HADHA: variants seen among roughly 807,000 people sequenced by gnomAD.
HADHA encodes hydroxyacyl-CoA dehydrogenase trifunctional multienzyme complex subunit alpha.
In HADHA, 59 loss-of-function variants were observed where a neutral mutation model predicts 91.3. That is an observed-to-expected ratio of 0.65 (90% confidence interval 0.52 to 0.80). HADHA has a LOEUF of 0.80. Ranked by LOEUF, HADHA falls within the 30% of genes least tolerant of loss-of-function variation. The probability of loss-of-function intolerance (pLI) is 0.00; values close to 1 mark genes in which losing one functional copy is unlikely to be tolerated. For synonymous variants in HADHA, 320 were observed against 338.9 expected (o/e 0.94, Z 0.61); for missense variants, 800 against 927.6 (o/e 0.86, Z 1.79).
intron 7 of HADHA, among the ~76,000 whole-genome samples, chr2:26,224,634 G>A (rs903814376): frequency 2.0e-5 from 3 of 152,204 alleles, no homozygotes; most frequent in Admixed American, 2.0e-4. Flanking sequence ...AAGGATTAGT[G>A]TATTTTTGGT....
At chr2:26,236,380 C>CTGTG (rs201544302) in intron 4 of HADHA, among the ~76,000 whole-genome samples, 1,386 of 110,926 alleles carry the variant, frequency 0.012, 26 homozygotes, top group African/African-American at 0.015. Flanking sequence ...TATATATACT[C>CTGTG]TGTGTGTGTG....
At chr2:26,198,053 G>C (rs1244745108) in intron 13 of HADHA, among the ~76,000 whole-genome samples, 1 of 152,134 alleles carries the variant, frequency 6.6e-6, no homozygotes, top group Non-Finnish European at 1.5e-5. Context: ...CTCAGCAGTT[G>C]GGTCAATAAA....
At chr2:26,207,726 G>A (rs1274478287) in intron 11 of HADHA, among the ~76,000 whole-genome samples, 1 of 152,270 alleles carries the variant, frequency 6.6e-6, no homozygotes, top group South Asian at 2.1e-4. Flanking sequence ...GTGATTTGAG[G>A]AATGCATAAC....
chr2:26,213,427 C>A (rs1049919147), intron 9 of HADHA, among the ~76,000 whole-genome samples: 6 of 152,184 alleles, frequency 3.9e-5, no homozygotes, highest in Non-Finnish European at 8.8e-5. Context: ...TTCATTATTA[C>A]CAACCTTCTA....
rs377095504 is a variant in HADHA at position 26,236,952 on chromosome 2, A to G, written c.217T>C (p.Ser73Pro). 3.1e-6 allele frequency: 5 copies of G among 1,605,764 alleles called. No homozygotes were observed. The African/African-American group carries it at 4.0e-5, about 13-fold the overall frequency. ...TLSKELHSEF[S>P]EVMNEIWASD... Reference sequence around the variant, plus strand: ...GCCCAGATTTCATTCATAACTTCTGAGAACTCTGAATGTAGCTCTTTACTC... The same window carrying G: ...GCCCAGATTTCATTCATAACTTCTGGGAACTCTGAATGTAGCTCTTTACTC... Residue 73 changes from serine to proline, a missense_variant, in exon 4 of 20, where the codon TCA becomes CCA. Ser to Pro is a moderately conservative substitution (Grantham distance 74, BLOSUM62 -1). Coordinates refer to ENST00000380649, the MANE Select transcript of HADHA (RefSeq NM_000182.5).
Position 26,209,862 on chromosome 2 carries a change from C to G in HADHA, c.1003G>C (p.Glu335Gln). ...TAGAGTCCCATCAAGGCCTTTGATTCTTTGGTCATTACAAGCTCTCCAAAT... is the reference window on the plus strand; with the variant it reads ...TAGAGTCCCATCAAGGCCTTTGATTGTTTGGTCATTACAAGCTCTCCAAAT... ...QKFGELVMTK[E>Q]SKALMGLYHG... The change falls in exon 11 of 20, where the codon GAA becomes CAA. Residue 335 changes from glutamate (E) to glutamine (Q), a missense_variant. Physicochemically the swap from Glu to Gln is conservative, Grantham distance 29 (BLOSUM62 2). Coordinates refer to ENST00000380649, the MANE Select transcript of HADHA (RefSeq NM_000182.5). The G allele has an allele frequency of 6.2e-7, 1 of 1,600,132 alleles. No homozygotes were observed. The highest frequency in any genetic ancestry group is 1.1e-5 in the South Asian group (1 of 90,814).
chr2:26,222,377 T>C (rs534351794), intron 7 of HADHA, among the ~76,000 whole-genome samples: 184 of 152,302 alleles, frequency 1.2e-3, no homozygotes, highest in African/African-American at 3.7e-3. Flanking sequence ...AGCAAACTAA[T>C]ATACAAGGAC....
intron 4 of HADHA, among the ~76,000 whole-genome samples, chr2:26,236,365 A>ATG (rs1670755263): frequency 7.9e-6 from 1 of 126,632 alleles, no homozygotes; most frequent in Non-Finnish European, 1.7e-5. Flanking sequence ...GTGTGTATAT[A>ATG]TATATATATA....
intron 18 of HADHA, 103 bp downstream of exon 18, chr2:26,192,207 G>T (rs901971867): frequency 2.9e-6 from 2 of 701,238 alleles, no homozygotes; most frequent in South Asian, 3.1e-5. Flanking sequence ...TGTATCCCAG[G>T]ACTTAAAGTA....
chr2:26,214,832 T>G lies in HADHA; in HGVS notation c.799+221A>C, dbSNP rs1052152658. Among the ~76,000 whole-genome samples, 1 of 152,196 alleles carries G rather than the reference T, an allele frequency of 6.6e-6. No homozygotes were observed. The highest frequency in any genetic ancestry group is 1.5e-5 in the Non-Finnish European group (1 of 68,034). ...CTTAACATTTTCTAAAATGAAAAGT[T>G]TTCTATGACTCAAGGGTCATCATAA... On this transcript the variant is annotated intron_variant, in intron 8 of 19. Transcript: ENST00000380649. This position sits in a 1 kb window ranked among gnomAD's most constrained non-coding sequence, Gnocchi z 4.1.
chr2:26,201,228 A>G lies in HADHA; in HGVS notation c.1313T>C (p.Phe438Ser). 3.1e-6 allele frequency: 5 copies of G among 1,613,504 alleles called. No homozygotes were observed. The highest frequency in any genetic ancestry group is 3.4e-6 in the Non-Finnish European group (4 of 1,179,392). Reference sequence around the variant, plus strand: ...TTCAATCACCATGTCGGCCTTTTCAAAACCTTGGTAATCAAGCTGCCCAGT... The same window carrying G: ...TTCAATCACCATGTCGGCCTTTTCAGAACCTTGGTAATCAAGCTGCCCAGT... ...NLTGQLDYQGFEKADMVIEAV... is the reference protein window; with the variant it reads ...NLTGQLDYQGSEKADMVIEAV... Residue 438 changes from phenylalanine to serine, a missense_variant, in exon 13 of 20, where the codon TTT (phenylalanine) becomes TCT (serine). Transcript: ENST00000380649.
chr2:26,236,791 A>T, intron 4 of HADHA, 64 bp downstream of exon 4: 1 of 1,254,246 alleles, frequency 8.0e-7, no homozygotes, highest in Non-Finnish European at 1.2e-6. Context: ...AGGAGAAATT[A>T]TTAGGCCTAA....
Position 26,191,331 on chromosome 2 carries a change from T to C in HADHA, c.2211A>G (p.Glu737=). ...GGGTGAACTGTTTTCCATAGGCAGC[T>C]TCATATTTCTTGAGCCGGTCCACTA... ...QKIVDRLKKY[E]AAYGKQFTPC... The change falls in exon 20 of 20, where the codon GAA becomes GAG. Residue 737 remains glutamate (E), a synonymous_variant. Transcript: ENST00000380649. The C allele has an allele frequency of 6.2e-7, 1 of 1,614,130 alleles. No individual in the cohort carries two copies. The highest frequency in any genetic ancestry group is 1.1e-5 in the South Asian group (1 of 91,082).
In HADHA at chr2:26,212,609, A is replaced by G; in HGVS notation, c.936T>C (p.Ile312=). 1 of 1,602,224 alleles carries G rather than the reference A, an allele frequency of 6.2e-7. No individual in the cohort carries two copies. Among genetic ancestry groups the G allele is most frequent in the Middle Eastern group, 1.7e-4 (1 of 6,048 alleles). Residue 312 remains isoleucine, a synonymous_variant, in exon 10 of 20, where the codon ATT becomes ATC. Transcript: ENST00000380649. ...GATAACCGGCATCACTCCCTTGCTC[A>G]ATTCCAGTCTTTACCACCTAAAAAA... ...LKIIDVVKTG[I]EQGSDAGYLC...
At chr2:26,202,032 C>T (rs938467710) in intron 12 of HADHA, among the ~76,000 whole-genome samples, 1 of 151,250 alleles carries the variant, frequency 6.6e-6, no homozygotes, top group Admixed American at 6.6e-5. Context: ...AACTCCTGAC[C>T]TCGTGTTCCA....
At position 26,192,705 on chromosome 2, in the gene HADHA, A is replaced by G. The variant is rs537454841; in HGVS notation, c.1886-281T>C. ...AGACGAGATTATGCCACTGCACTCC[A>G]GCCTGGGCAACAGTGTGAGACTCTG... On this transcript the variant is annotated intron_variant, in intron 17 of 19. Coordinates refer to ENST00000380649, the MANE Select transcript of HADHA (RefSeq NM_000182.5). Among the ~76,000 whole-genome samples, 9 of 152,230 alleles carry G rather than the reference A, an allele frequency of 5.9e-5. No homozygotes were observed. In the South Asian group the frequency reaches 1.9e-3, roughly 32 times the overall value.
intron 7 of HADHA, among the ~76,000 whole-genome samples, chr2:26,222,594 G>A (rs577584797): frequency 1.3e-5 from 2 of 152,288 alleles, no homozygotes; most frequent in East Asian, 1.9e-4. Flanking sequence ...CCATGATGGT[G>A]GGTGTGGAGG....
Position 26,214,528 on chromosome 2 carries a change from A to G in HADHA, c.833T>C (p.Val278Ala). 6.2e-7 allele frequency: 1 copy of G among 1,604,322 alleles called. No homozygotes were observed. Among genetic ancestry groups the G allele is most frequent in the South Asian group, 1.1e-5 (1 of 90,868 alleles). ...CACTTTTTTGTAAACCTGTTGCCTG[A>G]CAAATGGAATAGTCATGGCATACGC... ...LTAYAMTIPFVRQQVYKKVEE... is the reference protein window; with the variant it reads ...LTAYAMTIPFARQQVYKKVEE... The change falls in exon 9 of 20, where the codon GTC becomes GCC. Residue 278 changes from valine (V) to alanine (A), a missense_variant. Coordinates refer to ENST00000380649, the MANE Select transcript of HADHA (RefSeq NM_000182.5). This position sits in a 1 kb window ranked among gnomAD's most constrained non-coding sequence, Gnocchi z 4.1.
chr2:26,228,463 A>G (rs547346876), intron 7 of HADHA, among the ~76,000 whole-genome samples: 5 of 152,284 alleles, frequency 3.3e-5, no homozygotes, highest in South Asian at 4.1e-4. Flanking sequence ...ATGAATGTTC[A>G]TAGCAGCTTT....
Sources: allele counts gnomAD v4.1 joint callset (sites outside exome capture counted in the v4.1 genomes callset), GRCh38; gene constraint gnomAD v4.1.1; non-coding constraint Gnocchi (gnomAD v3.1); transcripts MANE v1.5; gene names NCBI Gene and HGNC (gene_info 2026-07-23, HGNC 2026-07-21).